SARDH: variants seen among roughly 807,000 people sequenced by gnomAD.
SARDH encodes sarcosine dehydrogenase, also known as sarcosine dehydrogenase, mitochondrial.
SARDH carries 95 observed loss-of-function variants against 109.1 expected under a neutral mutation model. The ratio of observed to expected loss-of-function variants is 0.87; its 90% CI spans 0.74 to 1.03. The LOEUF is 1.03. SARDH is among the 50% of genes least tolerant of loss of function. SARDH has a pLI of 0.00. For synonymous variants in SARDH, 572 were observed against 534.8 expected, an observed-to-expected ratio of 1.07 and a Z score of -0.96; for missense variants, 1,267 against 1,287.8, an observed-to-expected ratio of 0.98 and a Z score of 0.25.
At chr9:133,697,099 C>A (rs1831313795) in intron 13 of SARDH, among the ~76,000 whole-genome samples, 1 of 152,118 alleles carries the variant, frequency 6.6e-6, no homozygotes, top group South Asian at 2.1e-4. Flanking sequence ...GTGCTAAAAT[C>A]AGGAATGAAA....
chr9:133,717,435 G>A lies in SARDH; in HGVS notation c.1041C>T (p.Phe347=), dbSNP rs757307357. 2.4e-5 allele frequency: 38 copies of A among 1,613,974 alleles called. No homozygotes were observed. The Middle Eastern group carries it at 6.6e-4, about 28-fold the overall frequency. ...CCTCCCAGTCCAGGTCAAAGAGGCCGAAGGCAAACTTGTCTGACACCTGCC... is the reference window on the plus strand; with the variant it reads ...CCTCCCAGTCCAGGTCAAAGAGGCCAAAGGCAAACTTGTCTGACACCTGCC... The part of the protein sequence containing the change: ...FWEEVSDKFA[F]GLFDLDWEVF... Residue 347 remains phenylalanine (F), a synonymous_variant, in exon 8 of 21, where the codon TTC becomes TTT. Coordinates refer to ENST00000439388, the MANE Select transcript of SARDH (RefSeq NM_001134707.2).
At chr9:133,660,538 C>T (rs921694677), downstream of SARDH, among the ~76,000 whole-genome samples, 2 of 152,188 alleles carry the variant, frequency 1.3e-5, no homozygotes, top group African/African-American at 4.8e-5. Flanking sequence ...ACTCTGGGCT[C>T]GCCCACCTTC....
intron 1 of SARDH, among the ~76,000 whole-genome samples, chr9:133,736,029 A>C (rs1466365207): frequency 6.7e-6 from 1 of 148,232 alleles, no homozygotes; most frequent in East Asian, 2.0e-4. Context: ...AACAAGAGTG[A>C]AACTCCGTCT....
Position 133,718,534 on chromosome 9 carries a change from G to A in SARDH, c.1020+404C>T, listed in dbSNP as rs180862603. ...ACTAAATGCATATACACATAGAACA[G>A]GGCTGCAGGGCTGCCCTAACCCCAG... On this transcript the variant is annotated intron_variant, in intron 7 of 20. Transcript: ENST00000439388. The surrounding 1 kb of genome is among the most constrained non-coding windows in gnomAD (Gnocchi z 4.2). 6.4e-4 allele frequency: 438 copies of A among 683,786 alleles called. No homozygotes were observed. Among genetic ancestry groups the A allele is most frequent in the Non-Finnish European group, 1.1e-3 (406 of 375,542 alleles). The allele number at this position is 683,786 out of a possible 1,614,324, so 42.4% of individuals were successfully genotyped here.
chr9:133,712,806 T>A lies in SARDH; in HGVS notation c.1238-97A>T. On this transcript the variant is annotated intron_variant, in intron 9 of 20. Transcript: ENST00000439388. The surrounding 1 kb of genome is among the most constrained non-coding windows in gnomAD (Gnocchi z 4.1). ...CCATCTCCACGGACAGCACAGACAC[T>A]CCAAGCTCTGCTCTCACACCTGGGG... 8.3e-7 allele frequency: 1 copy of A among 1,206,910 alleles called. No individual in the cohort carries two copies. Among genetic ancestry groups the A allele is most frequent in the South Asian group, 1.3e-5 (1 of 76,264 alleles). The allele number at this position is 1,206,910 out of a possible 1,614,324, so 74.8% of individuals were successfully genotyped here. A position where few individuals can be genotyped will look rare whatever the true frequency, so the allele number is the denominator to read the frequency against.
intron 10 of SARDH, among the ~76,000 whole-genome samples, 157 bp from the exon 11 acceptor site, chr9:133,708,585 C>T (rs1177842417): frequency 6.6e-5 from 10 of 152,116 alleles, no homozygotes; most frequent in Admixed American, 5.9e-4. Flanking sequence ...TTCGCCCCAC[C>T]CTTGGGTGAA....
downstream of SARDH, among the ~76,000 whole-genome samples, chr9:133,663,180 A>T (rs1564220056): frequency 6.6e-6 from 1 of 152,210 alleles, no homozygotes; most frequent in Admixed American, 6.5e-5. Flanking sequence ...GAGGGGCTCA[A>T]GGGGAAACTG....
At chr9:133,735,136 A>G (rs561935070) in intron 1 of SARDH, among the ~76,000 whole-genome samples, 2 of 152,254 alleles carry the variant, frequency 1.3e-5, no homozygotes, top group African/African-American at 4.8e-5. Context: ...CCCAACCCCC[A>G]AGCCTGGAGC....
At chr9:133,734,827 C>T (rs988112248) in intron 1 of SARDH, among the ~76,000 whole-genome samples, 3 of 152,168 alleles carry the variant, frequency 2.0e-5, no homozygotes, top group African/African-American at 7.2e-5. Context: ...GGGCGGGGGC[C>T]GTCCCGCCAG....
intron 17 of SARDH, among the ~76,000 whole-genome samples, chr9:133,677,093 C>T (rs969930120): frequency 2.0e-5 from 3 of 152,132 alleles, no homozygotes; most frequent in Non-Finnish European, 4.4e-5. Flanking sequence ...GAGCCAAGGT[C>T]GCCCCACTGC....
chr9:133,678,670 CCT>C (rs1326076121), intron 17 of SARDH, among the ~76,000 whole-genome samples: 2 of 152,216 alleles, frequency 1.3e-5, no homozygotes, highest in African/African-American at 2.4e-5. Flanking sequence ...GCCTCGCCAG[CCT>C]CCCCACAGTC....
chr9:133,683,254 C>CA (rs1830762074), intron 17 of SARDH, among the ~76,000 whole-genome samples: 1 of 152,200 alleles, frequency 6.6e-6, no homozygotes, highest in Admixed American at 6.5e-5. Flanking sequence ...TGTCTGAGAA[C>CA]AAGTCCCAGC....
intron 1 of SARDH, among the ~76,000 whole-genome samples, chr9:133,735,564 C>T (rs1832855683): frequency 6.6e-6 from 1 of 152,202 alleles, no homozygotes; most frequent in Non-Finnish European, 1.5e-5. Context: ...TGACTGCAAT[C>T]CACACAATCA....
chr9:133,696,204 C>T lies in SARDH; in HGVS notation c.1807+19G>A, dbSNP rs377037119. ...CCATGGAGTGACAGGAACATGCCCC[C>T]CAACCTCAGGCTCCATACCTGGGGG... On this transcript the variant is annotated intron_variant, in intron 14 of 20. Coordinates refer to ENST00000439388, the MANE Select transcript of SARDH (RefSeq NM_001134707.2). The T allele has an allele frequency of 1.9e-6, 3 of 1,612,830 alleles. No homozygotes were observed. Among genetic ancestry groups the T allele is most frequent in the Admixed American group, 1.7e-5 (1 of 60,008 alleles).
chr9:133,730,847 G>A (rs1270664298), intron 4 of SARDH, among the ~76,000 whole-genome samples: 1 of 152,028 alleles, frequency 6.6e-6, no homozygotes, highest in Non-Finnish European at 1.5e-5. Context: ...AGTGGTGGCG[G>A]GTGCCTGTAG....
At position 133,728,187 on chromosome 9, in the gene SARDH, C is replaced by T. The variant is rs749452801; in HGVS notation, c.915+1578G>A. ...ACAAGAGGTCTTGTGTCCAGTGGGG[C>T]GTGGCTTGCCCAGCGCACAGGAGTC... On this transcript the variant is annotated intron_variant, in intron 6 of 20. Coordinates refer to ENST00000439388, the MANE Select transcript of SARDH (RefSeq NM_001134707.2). This position sits in a 1 kb window ranked among gnomAD's most constrained non-coding sequence, Gnocchi z 5.0. 6.6e-6 allele frequency among the ~76,000 whole-genome samples: 1 copy of T among 152,174 alleles called. No individual in the cohort carries two copies. The highest frequency in any genetic ancestry group is 2.4e-5 in the African/African-American group (1 of 41,430).
intron 4 of SARDH, 54 bp from the exon 5 acceptor site, chr9:133,730,241 T>TCCCAC: frequency 9.4e-6 from 15 of 1,598,506 alleles, no homozygotes; most frequent in Non-Finnish European, 1.3e-5. Context: ...CGGGGGTGCT[T>TCCCAC]CCCACCCCAC....
At chr9:133,682,293 C>T (rs1234099777) in intron 17 of SARDH, among the ~76,000 whole-genome samples, 2 of 152,140 alleles carry the variant, frequency 1.3e-5, no homozygotes, top group South Asian at 2.1e-4. Flanking sequence ...TCACGACATT[C>T]GGAGAATAAA....
Position 133,688,373 on chromosome 9 carries a change from G to C in SARDH, c.2069+2007C>G, listed in dbSNP as rs555671820. ...CTCTCAGCACACCCCATCCACTGTCGGGTGCTATGAGCCTCGCCCAGTCCA... is the reference window on the plus strand; with the variant it reads ...CTCTCAGCACACCCCATCCACTGTCCGGTGCTATGAGCCTCGCCCAGTCCA... On this transcript the variant is annotated intron_variant, in intron 16 of 20. Transcript: ENST00000439388. Among the ~76,000 whole-genome samples, 4 of 137,442 alleles carry C rather than the reference G, an allele frequency of 2.9e-5. No individual in the cohort carries two copies. In the South Asian group the frequency reaches 9.3e-4, roughly 32 times the overall value. The allele number at this position is 137,442 out of a possible 152,430, so 90.2% of individuals were successfully genotyped here. A position where few individuals can be genotyped will look rare whatever the true frequency, so the allele number is the denominator to read the frequency against.
Sources: allele counts gnomAD v4.1 joint callset (sites outside exome capture counted in the v4.1 genomes callset), GRCh38; gene constraint gnomAD v4.1.1; non-coding constraint Gnocchi (gnomAD v3.1); transcripts MANE v1.5; gene names NCBI Gene and HGNC (gene_info 2026-07-23, HGNC 2026-07-21).